The following OTULIN variants were observed in gnomAD, a reference collection of about 807,000 sequenced individuals.
OTULIN encodes the protein ubiquitin thioesterase otulin.
Under a neutral mutation model 39.6 loss-of-function variants are expected in OTULIN, and 15 were observed. The ratio of observed to expected loss-of-function variants is 0.38; its 90% CI spans 0.25 to 0.58. OTULIN has a LOEUF of 0.58. Among genes scored for constraint, OTULIN ranks in the 20% least tolerant of loss-of-function variants. The pLI, the probability that OTULIN is intolerant of heterozygous loss-of-function variation, is 0.66. For synonymous variants in OTULIN, 156 were observed against 170.3 expected (o/e 0.92, Z 0.65); for missense variants, 319 against 445.9 (o/e 0.72, Z 2.56).
chr5:14,690,785 G>T lies in OTULIN; in HGVS notation c.864+477G>T, dbSNP rs563738012. Among the ~76,000 whole-genome samples the T allele has an allele frequency of 6.6e-6, 1 of 152,228 alleles. No individual in the cohort carries two copies. Among genetic ancestry groups the T allele is most frequent in the South Asian group, 2.1e-4 (1 of 4,808 alleles). On this transcript the variant is annotated intron_variant, in intron 6 of 6. Transcript: ENST00000284274. The surrounding 1 kb of genome is among the most constrained non-coding windows in gnomAD (Gnocchi z 4.5). ...CCACTCTCAAGAGGAGGGGAATTTGGCTCCACCTTTTTGAATGAGGGGTAC... is the reference window on the plus strand; with the variant it reads ...CCACTCTCAAGAGGAGGGGAATTTGTCTCCACCTTTTTGAATGAGGGGTAC...
At chr5:14,709,918 ATTT>A in the OTULIN span, 2 of 152,422 alleles carry the variant, frequency 1.3e-5, no homozygotes, top group South Asian at 4.1e-4. Flanking sequence ...TCTTTAAAAT[ATTT>A]TTTTTTTTAG....
rs565326895 is a variant in OTULIN at position 14,688,386 on chromosome 5, C to G, written c.594+740C>G. Among the ~76,000 whole-genome samples, 4 of 152,260 alleles carry G rather than the reference C, an allele frequency of 2.6e-5. No individual in the cohort carries two copies. The East Asian group carries it at 7.7e-4, about 29-fold the overall frequency. On this transcript the variant is annotated intron_variant, in intron 5 of 6. Transcript: ENST00000284274. Reference sequence around the variant, plus strand: ...GGTCAAACATGGACTTTTCAAGGTCCTTCCTAGCACGTACTTCAAACAGTG... The same window carrying G: ...GGTCAAACATGGACTTTTCAAGGTCGTTCCTAGCACGTACTTCAAACAGTG...
Position 14,694,899 on chromosome 5 carries a change from C to T in OTULIN, c.*1851C>T, listed in dbSNP as rs373162882. On this transcript the variant is annotated 3_prime_UTR_variant, in exon 7 of 7. Coordinates refer to ENST00000284274, the MANE Select transcript of OTULIN (RefSeq NM_138348.6). ...GGATTGTACAGCAGGAAATGCTTAT[C>T]ATTAATTTCTGATGTTTTTTAAAGC... 66 of 152,712 alleles carry T rather than the reference C, an allele frequency of 4.3e-4. No individual in the cohort carries two copies. Among genetic ancestry groups the T allele is most frequent in the African/African-American group, 1.5e-3 (64 of 41,562 alleles). The allele number at this position is 152,712 out of a possible 1,614,324, so 9.5% of individuals were successfully genotyped here.
chr5:14,711,173 G>A, the OTULIN span: 8 of 1,562,102 alleles, frequency 5.1e-6, no homozygotes, highest in Admixed American at 1.2e-4. Context: ...GACTGTCCCT[G>A]CAGTGCCCAT....
At chr5:14,667,384 T>C (rs1735877256) in intron 1 of OTULIN, among the ~76,000 whole-genome samples, 1 of 152,216 alleles carries the variant, frequency 6.6e-6, no homozygotes, top group African/African-American at 2.4e-5. Flanking sequence ...CATTGTTTTC[T>C]TGTTTTGTGA....
At chr5:14,713,619 G>A in the OTULIN span, 1 of 1,614,092 alleles carries the variant, frequency 6.2e-7, no homozygotes, top group Non-Finnish European at 8.5e-7. This position sits in a 1 kb window ranked among gnomAD's most constrained non-coding sequence, Gnocchi z 4.4. Flanking sequence ...AAGGACGAAG[G>A]TTTTCTTCAG....
chr5:14,673,183 A>G (rs1324700989), intron 1 of OTULIN, among the ~76,000 whole-genome samples: 1 of 152,158 alleles, frequency 6.6e-6, no homozygotes, highest in African/African-American at 2.4e-5. Context: ...CTTGTTTTTA[A>G]GGTAGCTATT....
downstream of OTULIN, among the ~76,000 whole-genome samples, chr5:14,703,461 G>A (rs1736852925): frequency 1.3e-5 from 2 of 152,102 alleles, no homozygotes; most frequent in African/African-American, 4.8e-5. Flanking sequence ...TAAAGAGGAA[G>A]GCGTGGAAGG....
At position 14,697,065 on chromosome 5, in the gene OTULIN, ATG is replaced by A. The variant is rs1233360386; in HGVS notation, c.*4023_*4024del. ...AGGAGGGGTGTGTGTGTGTGTGTGC[ATG>A]TGTGTATATGCGTGTTGGTCTGCAG... On this transcript the variant is annotated 3_prime_UTR_variant, in exon 7 of 7. Coordinates refer to ENST00000284274, the MANE Select transcript of OTULIN (RefSeq NM_138348.6). 1 of 151,922 alleles carries A rather than the reference ATG, an allele frequency of 6.6e-6. No homozygotes were observed. The highest frequency in any genetic ancestry group is 2.4e-5 in the African/African-American group (1 of 41,290). 9.4% of individuals were successfully genotyped at this position (151,922 alleles called of 1,614,324 possible).
intron 1 of OTULIN, among the ~76,000 whole-genome samples, chr5:14,665,200 T>G (rs896267815): frequency 3.4e-4 from 51 of 152,232 alleles, no homozygotes; most frequent in African/African-American, 1.2e-3. Context: ...GTGACTCCCC[T>G]CTCGTCTCAT....
intron 3 of OTULIN, among the ~76,000 whole-genome samples, chr5:14,681,147 C>T (rs1461027650): frequency 2.0e-5 from 3 of 152,166 alleles, no homozygotes; most frequent in Non-Finnish European, 4.4e-5. Flanking sequence ...GCACCCCCGC[C>T]CCCCTTTGTG....
At chr5:14,704,538 C>T (rs1304084381), downstream of OTULIN, among the ~76,000 whole-genome samples, 1 of 151,900 alleles carries the variant, frequency 6.6e-6, no homozygotes, top group Non-Finnish European at 1.5e-5. Flanking sequence ...ATTTTCATTA[C>T]TGAAGTTTTG....
chr5:14,713,686 G>A, the OTULIN span: 2 of 1,612,988 alleles, frequency 1.2e-6, no homozygotes, highest in Admixed American at 3.3e-5. This position sits in a 1 kb window ranked among gnomAD's most constrained non-coding sequence, Gnocchi z 4.4. Flanking sequence ...AGGAGCAAAG[G>A]ACTCGTCAGC....
At position 14,678,676 on chromosome 5, in the gene OTULIN, A is replaced by T; in HGVS notation, c.230-5A>T. Reference sequence around the variant, plus strand: ...TGCTTTTTTTTTTTTTAAATTCTTTAACAGAACCGAGATTAAGCGTAGCTC... The same window carrying T: ...TGCTTTTTTTTTTTTTAAATTCTTTTACAGAACCGAGATTAAGCGTAGCTC... On this transcript the variant is annotated splice_region_variant and splice_polypyrimidine_tract_variant and intron_variant, in intron 2 of 6. Coordinates refer to ENST00000284274, the MANE Select transcript of OTULIN (RefSeq NM_138348.6). 6.4e-7 allele frequency: 1 copy of T among 1,556,138 alleles called. No individual in the cohort carries two copies. Among genetic ancestry groups the T allele is most frequent in the Non-Finnish European group, 8.7e-7 (1 of 1,155,596 alleles).
At chr5:14,705,062 G>C in the OTULIN span, 14 of 152,126 alleles carry the variant, frequency 9.2e-5, no homozygotes, top group Non-Finnish European at 1.8e-4. Context: ...GTTTTGCTCT[G>C]TTGCTCAGGC....
chr5:14,673,812 A>C, intron 2 of OTULIN, 94 bp downstream of exon 2: 1 of 1,033,942 alleles, frequency 9.7e-7, no homozygotes, highest in South Asian at 1.5e-5. Flanking sequence ...AATATCAATA[A>C]AATATTCTTA....
intron 3 of OTULIN, among the ~76,000 whole-genome samples, chr5:14,680,859 G>T (rs1252488772): frequency 6.6e-6 from 1 of 152,200 alleles, no homozygotes; most frequent in Non-Finnish European, 1.5e-5. Flanking sequence ...AGGAGTTCAA[G>T]ACCAGCCTGG....
At chr5:14,707,720 G>A in the OTULIN span, 1 of 152,036 alleles carries the variant, frequency 6.6e-6, no homozygotes, top group Non-Finnish European at 1.5e-5. Flanking sequence ...TTTTACTATT[G>A]TAAAGAAGCT....
intron 6 of OTULIN, among the ~76,000 whole-genome samples, chr5:14,692,053 A>T (rs1163883607): frequency 6.6e-6 from 1 of 152,196 alleles, no homozygotes; most frequent in African/African-American, 2.4e-5. Context: ...TGCTATGAAC[A>T]TTCATGTATA....
Sources: allele counts gnomAD v4.1 joint callset (sites outside exome capture counted in the v4.1 genomes callset), GRCh38; gene constraint gnomAD v4.1.1; non-coding constraint Gnocchi (gnomAD v3.1); transcripts MANE v1.5; gene names NCBI Gene and HGNC (gene_info 2026-07-23, HGNC 2026-07-21).